Variants in JAK1 observed in about 807,000 individuals in gnomAD.
The protein encoded by JAK1 is Janus kinase 1.
Under a neutral mutation model 136.6 loss-of-function variants are expected in JAK1, and 16 were observed. The ratio of observed to expected loss-of-function variants is 0.12; its 90% CI spans 0.08 to 0.18. The LOEUF (loss-of-function observed/expected upper bound fraction) is 0.18. JAK1 is among the 10% of genes least tolerant of loss of function. The probability of loss-of-function intolerance (pLI) is 1.00; values close to 1 mark genes in which losing one functional copy is unlikely to be tolerated. For synonymous variants in JAK1, 492 were observed against 519.5 expected, an observed-to-expected ratio of 0.95 and a Z score of 0.72; for missense variants, 859 against 1,450.1, an observed-to-expected ratio of 0.59 and a Z score of 6.62.
At chr1:64,848,926 T>C (rs1228174184) in intron 12 of JAK1, among the ~76,000 whole-genome samples, 1 of 152,256 alleles carries the variant, frequency 6.6e-6, no homozygotes, top group Non-Finnish European at 1.5e-5. Context: ...CTGTCTGCTG[T>C]ATCCTGGCAA....
intron 2 of JAK1, among the ~76,000 whole-genome samples, chr1:65,000,084 T>C (rs1301792145): frequency 6.6e-6 from 1 of 151,130 alleles, no homozygotes; most frequent in Non-Finnish European, 1.5e-5. Flanking sequence ...TCTGACTCCC[T>C]GGTTCAAGCG....
At chr1:64,951,824 A>G (rs1266396156) in intron 1 of JAK1, among the ~76,000 whole-genome samples, 1 of 151,848 alleles carries the variant, frequency 6.6e-6, no homozygotes, top group Non-Finnish European at 1.5e-5. Flanking sequence ...ACGCCCAGCT[A>G]ATTTTTTGTA....
chr1:64,907,931 C>A (rs1645218696), intron 1 of JAK1, among the ~76,000 whole-genome samples: 1 of 152,208 alleles, frequency 6.6e-6, no homozygotes, highest in Non-Finnish European at 1.5e-5. Flanking sequence ...ACTCTTAACT[C>A]TGTTATTCTC....
chr1:64,874,397 C>T (rs1657266787), intron 4 of JAK1, among the ~76,000 whole-genome samples: 1 of 151,470 alleles, frequency 6.6e-6, no homozygotes, highest in African/African-American at 2.4e-5. Context: ...GAAAAAGGTA[C>T]ATCATGAATA....
At chr1:65,019,146 C>A (rs1646916678) in intron 2 of JAK1, among the ~76,000 whole-genome samples, 1 of 152,116 alleles carries the variant, frequency 6.6e-6, no homozygotes, top group South Asian at 2.1e-4. Flanking sequence ...CATATGACTT[C>A]CACCAATCTT....
chr1:64,881,241 G>A (rs891812177), intron 3 of JAK1, among the ~76,000 whole-genome samples: 1 of 138,826 alleles, frequency 7.2e-6, no homozygotes, highest in Admixed American at 7.0e-5. Flanking sequence ...CAGTCTAGGG[G>A]ACAGAGCAAG....
At chr1:64,908,756 A>C (rs542826416) in intron 1 of JAK1, among the ~76,000 whole-genome samples, 1 of 133,616 alleles carries the variant, frequency 7.5e-6, no homozygotes, top group South Asian at 2.4e-4. Flanking sequence ...ACACACACAC[A>C]CCCCTTGTTA....
intron 3 of JAK1, among the ~76,000 whole-genome samples, chr1:64,879,798 A>ATT (rs1644741557): frequency 6.6e-6 from 1 of 152,174 alleles, no homozygotes; most frequent in Non-Finnish European, 1.5e-5. Flanking sequence ...GGCTTCACAA[A>ATT]GCTGGCCCAA....
chr1:64,879,033 G>A lies in JAK1; in HGVS notation c.321C>T (p.Tyr107=), dbSNP rs2101215181. 1 of 1,614,034 alleles carries A rather than the reference G, an allele frequency of 6.2e-7. No individual in the cohort carries two copies. Among genetic ancestry groups the A allele is most frequent in the Non-Finnish European group, 8.5e-7 (1 of 1,179,962 alleles). Residue 107 remains tyrosine, a synonymous_variant, in exon 4 of 25, where the codon TAC becomes TAT. Transcript: ENST00000342505. ...GTCAGTACTTCCCATACCTCATCCG[G>A]TAGTGGAGCCGGAGGGACATCTTGT... ...VDDKMSLRLH[Y]RMRFYFTNWH... is the part of the protein sequence containing the mutation.
At chr1:64,920,102 T>C (rs1447046509) in intron 1 of JAK1, among the ~76,000 whole-genome samples, 1 of 152,248 alleles carries the variant, frequency 6.6e-6, no homozygotes, top group African/African-American at 2.4e-5. Context: ...AAAATCACTA[T>C]GATCATTTCT....
chr1:64,898,498 C>A (rs536631614), intron 1 of JAK1, among the ~76,000 whole-genome samples: 1 of 152,152 alleles, frequency 6.6e-6, no homozygotes, highest in South Asian at 2.1e-4. Flanking sequence ...GAGCTGAATA[C>A]AGCAAATGCA....
chr1:64,884,556 T>C (rs1210372724), intron 2 of JAK1, among the ~76,000 whole-genome samples: 1 of 152,168 alleles, frequency 6.6e-6, no homozygotes, highest in Non-Finnish European at 1.5e-5. Context: ...TTATCTTCTA[T>C]CACTCTGAGC....
At chr1:64,985,843 C>CA in intron 2 of JAK1, 2 of 614,508 alleles carry the variant, frequency 3.3e-6, no homozygotes, top group Non-Finnish European at 5.9e-6. Context: ...AAGCTGTTGA[C>CA]AAACAGTCCA....
intron 1 of JAK1, among the ~76,000 whole-genome samples, chr1:64,905,317 A>C (rs1645173007): frequency 6.6e-6 from 1 of 152,242 alleles, no homozygotes; most frequent in South Asian, 2.1e-4. Context: ...TGGGAATCCA[A>C]GCAGATATCT....
intron 2 of JAK1, among the ~76,000 whole-genome samples, chr1:64,983,639 G>C (rs1025421058): frequency 6.6e-6 from 1 of 152,152 alleles, no homozygotes; most frequent in African/African-American, 2.4e-5. Context: ...AAAGTAATGA[G>C]TCTACTACAA....
chr1:64,851,278 A>C (rs1275650200), intron 11 of JAK1, among the ~76,000 whole-genome samples: 3 of 152,172 alleles, frequency 2.0e-5, no homozygotes, highest in Non-Finnish European at 4.4e-5. Context: ...GAAGTCAGAG[A>C]CTGTCTATCT....
At chr1:64,884,313 A>G (rs1644821008) in intron 2 of JAK1, among the ~76,000 whole-genome samples, 1 of 152,010 alleles carries the variant, frequency 6.6e-6, no homozygotes, top group South Asian at 2.1e-4. Flanking sequence ...GGAAAGCCCT[A>G]CACATTCTTT....
rs1260420631 is a variant in JAK1 at position 64,845,614 on chromosome 1, C to G, written c.2014G>C (p.Gly672Arg). The change falls in exon 15 of 25, where the codon GGG becomes CGG. Residue 672 changes from glycine to arginine, a missense_variant. Gly to Arg is a moderately radical substitution (Grantham distance 125, BLOSUM62 -2). Transcript: ENST00000342505. ...ENIMVEEFVE[G>R]GPLDLFMHRK... ...TGCATGAAGAGATCCAGAGGACCCCCTTCCACAAACTCTTCCACCATGATA... is the reference window on the plus strand; with the variant it reads ...TGCATGAAGAGATCCAGAGGACCCCGTTCCACAAACTCTTCCACCATGATA... The G allele has an allele frequency of 6.2e-7, 1 of 1,614,058 alleles. No homozygotes were observed. Among genetic ancestry groups the G allele is most frequent in the African/African-American group, 1.3e-5 (1 of 74,914 alleles).
At chr1:64,900,474 G>A (rs1645087476) in intron 1 of JAK1, among the ~76,000 whole-genome samples, 1 of 152,168 alleles carries the variant, frequency 6.6e-6, no homozygotes, top group Non-Finnish European at 1.5e-5. Context: ...ACAAGACTTA[G>A]AAGGCAGGCT....
Sources: allele counts gnomAD v4.1 joint callset (sites outside exome capture counted in the v4.1 genomes callset), GRCh38; gene constraint gnomAD v4.1.1; transcripts MANE v1.5; gene names NCBI Gene and HGNC (gene_info 2026-07-23, HGNC 2026-07-21).